The following IFT70A variants were observed in gnomAD, a reference collection of about 807,000 sequenced individuals.
The protein encoded by IFT70A is intraflagellar transport protein 70A.
the IFT70A span, chr2:177,615,384 G>C: frequency 2.2e-4 from 33 of 152,286 alleles, no homozygotes; most frequent in African/African-American, 7.9e-4. Flanking sequence ...AAAACTGAAA[G>C]AGGAAGTTAA....
At chr2:177,617,125 T>C in the IFT70A span, 3 of 1,609,028 alleles carry the variant, frequency 1.9e-6, no homozygotes, top group East Asian at 4.5e-5. Flanking sequence ...CTCTTCCTCC[T>C]TTTCAATCTT....
the IFT70A span, chr2:177,618,713 C>T: frequency 9.8e-6 from 15 of 1,535,468 alleles, no homozygotes; most frequent in East Asian, 6.9e-5. Flanking sequence ...ACCACCACGG[C>T]TGTTATGCGT....
chr2:177,614,948 T>C, the IFT70A span: 1 of 152,146 alleles, frequency 6.6e-6, no homozygotes, highest in Non-Finnish European at 1.5e-5. Flanking sequence ...CTCCTTGTAT[T>C]AAATAAAACA....
chr2:177,618,686 C>G, the IFT70A span: 4 of 1,585,800 alleles, frequency 2.5e-6, no homozygotes, highest in Non-Finnish European at 3.4e-6. Context: ...ATCTGCGCGC[C>G]GCTCAGACCA....
chr2:177,616,831 G>C, the IFT70A span: 13 of 1,599,532 alleles, frequency 8.1e-6, no homozygotes, highest in South Asian at 5.7e-5. Flanking sequence ...AGGTATGTTT[G>C]TGCCATAAAG....
At chr2:177,616,517 G>A in the IFT70A span, 1 of 437,336 alleles carries the variant, frequency 2.3e-6, no homozygotes, top group Non-Finnish European at 3.9e-6. Flanking sequence ...CAGAAGTGAT[G>A]CAGCTTACAC....
the IFT70A span, chr2:177,617,992 C>T: frequency 3.8e-3 from 6,183 of 1,614,200 alleles, 16 homozygotes; most frequent in Non-Finnish European, 4.5e-3. Context: ...GCCAACACTG[C>T]GAACATCAAA....
At chr2:177,617,846 C>A in the IFT70A span, 2 of 1,614,222 alleles carry the variant, frequency 1.2e-6, no homozygotes, top group Non-Finnish European at 8.5e-7. Context: ...GTCACAGGGT[C>A]CAACTCTTCC....
chr2:177,617,443 A>G, the IFT70A span: 9 of 1,611,186 alleles, frequency 5.6e-6, no homozygotes, highest in East Asian at 2.2e-5. Flanking sequence ...GTATTTCTCC[A>G]TGGTTTCATC....
chr2:177,613,129 T>A, the IFT70A span: 1 of 152,332 alleles, frequency 6.6e-6, no homozygotes, highest in East Asian at 1.9e-4. Context: ...TGCAGCGTCT[T>A]GGTCAAATCA....
the IFT70A span, chr2:177,617,584 T>A: frequency 6.2e-7 from 1 of 1,614,202 alleles, no homozygotes. Flanking sequence ...GAAAGCCTCT[T>A]CAGGAGCTGT....
chr2:177,615,607 A>G, the IFT70A span: 1 of 152,180 alleles, frequency 6.6e-6, no homozygotes, highest in Non-Finnish European at 1.5e-5. Flanking sequence ...TGTAAGCCAA[A>G]ATCCTAGAAA....
chr2:177,618,440 C>T, the IFT70A span: 3 of 1,607,302 alleles, frequency 1.9e-6, no homozygotes, highest in Non-Finnish European at 1.7e-6. Context: ...TTGTACAGGG[C>T]CTGGGCCTGG....
chr2:177,615,141 T>A, the IFT70A span: 8 of 152,198 alleles, frequency 5.3e-5, no homozygotes, highest in Non-Finnish European at 1.2e-4. Context: ...ATTAGCTAAA[T>A]CTCCATTACA....
At chr2:177,617,327 C>T in the IFT70A span, 1 of 1,591,218 alleles carries the variant, frequency 6.3e-7, no homozygotes, top group South Asian at 1.1e-5. Flanking sequence ...AACTTCCACA[C>T]ATCATGGTCG....
chr2:177,613,180 G>C, the IFT70A span: 3 of 152,216 alleles, frequency 2.0e-5, no homozygotes, highest in Non-Finnish European at 4.4e-5. Context: ...TGTGAAAACA[G>C]TTTAATGGTA....
At chr2:177,618,353 G>A in the IFT70A span, 14 of 1,613,614 alleles carry the variant, frequency 8.7e-6, no homozygotes, top group East Asian at 6.7e-5. Context: ...GCTTGCAGGC[G>A]GAGGACCCGG....
chr2:177,613,492 T>C, the IFT70A span: 1 of 152,152 alleles, frequency 6.6e-6, no homozygotes, highest in East Asian at 1.9e-4. Context: ...CCATATACAC[T>C]ATAGTGTATG....
At chr2:177,618,166 G>T in the IFT70A span, 1 of 1,614,238 alleles carries the variant, frequency 6.2e-7, no homozygotes, top group Non-Finnish European at 8.5e-7. Flanking sequence ...CTGCAGTGTG[G>T]CAGAAAACTT....
Sources: allele counts gnomAD v4.1 joint callset, GRCh38; gene constraint gnomAD v4.1.1; transcripts MANE v1.5; gene names NCBI Gene and HGNC (gene_info 2026-07-23, HGNC 2026-07-21).